FBLN2: variants seen among roughly 807,000 people sequenced by gnomAD.
The protein encoded by FBLN2 is fibulin 2, also known as fibulin-2.
A neutral mutation model predicts 123.7 loss-of-function variants in FBLN2; 81 were observed. The observed-to-expected ratio is 0.65, with a 90% confidence interval of 0.55 to 0.79. FBLN2 has a LOEUF of 0.79. FBLN2 is among the 30% of genes least tolerant of loss of function. The pLI is 0.00. For missense variants in FBLN2, 1,603 were observed against 1,681.3 expected, an observed-to-expected ratio of 0.95 and a Z score of 0.81; for synonymous variants, 699 against 701.4, an observed-to-expected ratio of 1.00 and a Z score of 0.05.
Position 13,585,884 on chromosome 3 carries a change from A to G in FBLN2, c.1306+14223A>G, listed in dbSNP as rs1475121652. ...TAATGAATGTCTGTGTTACCAGTTTATGTATTTACTATGTTTTTGTTGTTA... is the reference window on the plus strand; with the variant it reads ...TAATGAATGTCTGTGTTACCAGTTTGTGTATTTACTATGTTTTTGTTGTTA... On this transcript the variant is annotated intron_variant, in intron 2 of 17. Coordinates refer to ENST00000404922, the MANE Select transcript of FBLN2 (RefSeq NM_001004019.2). Among the ~76,000 whole-genome samples, 2 of 152,234 alleles carry G rather than the reference A, an allele frequency of 1.3e-5. 1 individual carries two copies. Among genetic ancestry groups the G allele is most frequent in the East Asian group, 3.8e-4 (2 of 5,198 alleles).
chr3:13,610,104 A>G (rs1011260067), intron 4 of FBLN2, among the ~76,000 whole-genome samples: 145 of 152,284 alleles, frequency 9.5e-4, no homozygotes, highest in Middle Eastern at 6.8e-3. Flanking sequence ...CTCACTGAGG[A>G]GGGGACATTT....
chr3:13,620,845 G>T (rs1416252235), intron 8 of FBLN2, among the ~76,000 whole-genome samples: 1 of 152,204 alleles, frequency 6.6e-6, no homozygotes, highest in Non-Finnish European at 1.5e-5. Context: ...CTGTTCTGAT[G>T]TGGACAAACA....
chr3:13,591,277 T>G (rs1704665799), intron 2 of FBLN2, among the ~76,000 whole-genome samples: 1 of 152,254 alleles, frequency 6.6e-6, no homozygotes. Context: ...TGGTTATGAG[T>G]CTCTTGTTGG....
chr3:13,567,209 G>A (rs955372879), intron 1 of FBLN2, among the ~76,000 whole-genome samples: 3 of 152,170 alleles, frequency 2.0e-5, no homozygotes, highest in African/African-American at 7.2e-5. Flanking sequence ...GGGCAGGGTG[G>A]GCTGGGAAGG....
At chr3:13,614,276 G>T (rs972080446) in intron 5 of FBLN2, 112 bp downstream of exon 5, 2 of 1,054,578 alleles carry the variant, frequency 1.9e-6, no homozygotes, top group Non-Finnish European at 2.7e-6. Context: ...CACAAGTTCT[G>T]CTCTAAACAG....
chr3:13,558,249 T>A (rs1256901583), intron 1 of FBLN2, among the ~76,000 whole-genome samples: 1 of 152,130 alleles, frequency 6.6e-6, no homozygotes, highest in Non-Finnish European at 1.5e-5. Flanking sequence ...GGCTGTCTGC[T>A]TGGCTTTCGG....
At position 13,570,384 on chromosome 3, in the gene FBLN2, C is replaced by T. The variant is rs369226739; in HGVS notation, c.29C>T (p.Ala10Val). 6.5e-5 allele frequency: 103 copies of T among 1,573,962 alleles called. No homozygotes were observed. In the East Asian group the frequency reaches 7.9e-4, roughly 12 times the overall value. The part of the protein sequence containing the change: MVLLWEPAG[A>V]WLALGLALAL... Reference sequence around the variant, plus strand: ...GTGCTGCTCTGGGAGCCTGCAGGAGCCTGGCTTGCTCTGGGCCTGGCCCTG... The same window carrying T: ...GTGCTGCTCTGGGAGCCTGCAGGAGTCTGGCTTGCTCTGGGCCTGGCCCTG... The change falls in exon 2 of 18, where the codon GCC (alanine) becomes GTC (valine). Residue 10 changes from alanine (A) to valine (V), a missense_variant. Coordinates refer to ENST00000404922, the MANE Select transcript of FBLN2 (RefSeq NM_001004019.2).
chr3:13,631,766 A>C (rs1304274673), intron 16 of FBLN2, among the ~76,000 whole-genome samples: 2 of 152,196 alleles, frequency 1.3e-5, no homozygotes, highest in African/African-American at 4.8e-5. Context: ...CTGCCCAGTG[A>C]GGAGACGGCA....
Position 13,622,544 on chromosome 3 carries a change from GCT to G in FBLN2, c.2296+633_2296+634del, listed in dbSNP as rs532578770. Among the ~76,000 whole-genome samples the G allele has an allele frequency of 8.9e-4, 135 of 152,322 alleles. 2 individuals carry two copies. Among genetic ancestry groups the G allele is most frequent in the South Asian group, 6.4e-3 (31 of 4,830 alleles). Reference sequence around the variant, plus strand: ...TTGCTATGTGACCTTGAGCAGCGGAGCTCTCCTCTCTGAGCCTGCCTTTCCTC... The same window carrying G: ...TTGCTATGTGACCTTGAGCAGCGGAGCTCCTCTCTGAGCCTGCCTTTCCTC... On this transcript the variant is annotated intron_variant, in intron 9 of 17. Transcript: ENST00000404922.
chr3:13,575,009 C>T (rs1299411152), intron 2 of FBLN2, among the ~76,000 whole-genome samples: 5 of 152,346 alleles, frequency 3.3e-5, no homozygotes, highest in Admixed American at 6.5e-5. Flanking sequence ...TGCTCACTGT[C>T]GCAGCCTTGG....
Position 13,601,439 on chromosome 3 carries a change from C to G in FBLN2, c.1307-6623C>G, listed in dbSNP as rs115786680. 3.5e-3 allele frequency among the ~76,000 whole-genome samples: 540 copies of G among 152,310 alleles called. 1 individual carries two copies. Among genetic ancestry groups the G allele is most frequent in the African/African-American group, 0.012 (516 of 41,572 alleles). On this transcript the variant is annotated intron_variant, in intron 2 of 17. Coordinates refer to ENST00000404922, the MANE Select transcript of FBLN2 (RefSeq NM_001004019.2). ...CGAGACATTGAATGGTGGCGTCACT[C>G]TCAGTGACCACAGAGACTGAAGTCA... is the stretch of plus-strand genomic sequence containing the variant.
At chr3:13,618,739 C>G (rs1301048562) in intron 6 of FBLN2, among the ~76,000 whole-genome samples, 165 bp from the exon 7 acceptor site, 1 of 152,122 alleles carries the variant, frequency 6.6e-6, no homozygotes, top group Non-Finnish European at 1.5e-5. Flanking sequence ...TGATCTTTCC[C>G]AAGGTATATG....
intron 2 of FBLN2, among the ~76,000 whole-genome samples, chr3:13,592,924 G>C (rs1704721974): frequency 6.6e-6 from 1 of 152,172 alleles, no homozygotes; most frequent in Admixed American, 6.5e-5. Flanking sequence ...GAGCTCAGCT[G>C]GGAGATAGCT....
At chr3:13,609,688 G>GGGGGGGGGGGGGGCC in intron 4 of FBLN2, 46 bp downstream of exon 4, 23 of 512,546 alleles carry the variant, frequency 4.5e-5, no homozygotes, top group East Asian at 6.7e-5. Context: ...GTGGGGCGGG[G>GGGGGGGGGGGGGGCC]CGGGAGGCTG....
chr3:13,587,023 T>TA (rs772092987), intron 2 of FBLN2, among the ~76,000 whole-genome samples: 1 of 150,900 alleles, frequency 6.6e-6, no homozygotes, highest in African/African-American at 2.4e-5. Flanking sequence ...CGCAGGGCTG[T>TA]AATCCTAGCT....
chr3:13,623,487 T>G (rs1705925261), intron 9 of FBLN2, among the ~76,000 whole-genome samples: 1 of 152,218 alleles, frequency 6.6e-6, no homozygotes, highest in Non-Finnish European at 1.5e-5. Context: ...CACCTCTTCA[T>G]CCTTCCATGC....
chr3:13,628,030 GGGCTTTTA>G, intron 11 of FBLN2, 61 bp downstream of exon 11: 1 of 1,556,206 alleles, frequency 6.4e-7, no homozygotes, highest in Non-Finnish European at 8.7e-7. Context: ...GGCATTGTGG[GGGCTTTTA>G]GGGCTTTAGA....
chr3:13,578,170 T>C (rs1398130790), intron 2 of FBLN2, among the ~76,000 whole-genome samples: 1 of 152,222 alleles, frequency 6.6e-6, no homozygotes, highest in East Asian at 1.9e-4. Flanking sequence ...CTAACTCTGT[T>C]AGTTTATGCA....
In FBLN2 at chr3:13,617,686, ACCATCCAT is replaced by A. The variant is rs574629860; in HGVS notation, c.1730-361_1730-354del. The stretch of plus-strand genomic sequence containing the variant: ...ACCCATCCACCCACCCATCCATCTA[ACCATCCAT>A]CCATCCATCCATCCATCCATCCATC... On this transcript the variant is annotated intron_variant, in intron 5 of 17. Transcript: ENST00000404922. 2.2e-3 allele frequency among the ~76,000 whole-genome samples: 139 copies of A among 61,886 alleles called. 1 individual carries two copies. Among genetic ancestry groups the A allele is most frequent in the African/African-American group, 0.012 (118 of 9,748 alleles). The allele number at this position is 61,886 out of a possible 152,430, so 40.6% of individuals were successfully genotyped here.
Sources: allele counts gnomAD v4.1 joint callset (sites outside exome capture counted in the v4.1 genomes callset), GRCh38; gene constraint gnomAD v4.1.1; transcripts MANE v1.5; gene names NCBI Gene and HGNC (gene_info 2026-07-23, HGNC 2026-07-21).